Variants in PPP4R1 observed in about 807,000 individuals in gnomAD.
PPP4R1 encodes serine/threonine-protein phosphatase 4 regulatory subunit 1.
Under a neutral mutation model 111.2 loss-of-function variants are expected in PPP4R1, and 42 were observed. The observed-to-expected ratio is 0.38, with a 90% CI of 0.29 to 0.49. PPP4R1 has a LOEUF of 0.49. Among genes scored for constraint, PPP4R1 ranks in the 20% least tolerant of loss-of-function variants. The pLI is 0.97. For missense variants in PPP4R1, 1,012 were observed against 1,161.6 expected (o/e 0.87, Z 1.87); for synonymous variants, 409 against 405.5 (o/e 1.01, Z -0.10).
At chr18:9,580,979 G>T (rs886160421) in intron 9 of PPP4R1, among the ~76,000 whole-genome samples, 1 of 152,184 alleles carries the variant, frequency 6.6e-6, no homozygotes, top group African/African-American at 2.4e-5. Flanking sequence ...TGTCATACCA[G>T]GGTGGCTGTG....
chr18:9,553,571 ATTAAGT>A (rs1031512254), intron 15 of PPP4R1, 149 bp from the exon 16 acceptor site: 10 of 603,876 alleles, frequency 1.7e-5, no homozygotes, highest in East Asian at 1.1e-4. Flanking sequence ...AAAATTTGGT[ATTAAGT>A]TTATTTTTCC....
At chr18:9,573,378 GA>G (rs2066890574) in intron 10 of PPP4R1, among the ~76,000 whole-genome samples, 1 of 152,014 alleles carries the variant, frequency 6.6e-6, no homozygotes, top group East Asian at 1.9e-4. Flanking sequence ...AAAGAGTTCA[GA>G]AAAAAAGAAT....
intron 14 of PPP4R1, among the ~76,000 whole-genome samples, chr18:9,559,035 T>C (rs183078959): frequency 6.6e-6 from 1 of 152,336 alleles, no homozygotes; most frequent in Admixed American, 6.5e-5. Flanking sequence ...TCTACTACGG[T>C]TTCAACAAAT....
At chr18:9,609,485 A>C (rs1598968939) in intron 2 of PPP4R1, among the ~76,000 whole-genome samples, 2 of 152,358 alleles carry the variant, frequency 1.3e-5, no homozygotes, top group East Asian at 3.9e-4. Flanking sequence ...ACCCTCAGTT[A>C]GTTCTGGACC....
At chr18:9,554,011 G>A (rs1228744648) in intron 15 of PPP4R1, among the ~76,000 whole-genome samples, 1 of 152,218 alleles carries the variant, frequency 6.6e-6, no homozygotes, top group Non-Finnish European at 1.5e-5. Flanking sequence ...ACGTTCTAAG[G>A]ACAGAATGTG....
At chr18:9,577,276 C>T (rs1305071589) in intron 9 of PPP4R1, 85 bp from the exon 10 acceptor site, 10 of 1,347,106 alleles carry the variant, frequency 7.4e-6, no homozygotes, top group East Asian at 2.5e-5. Context: ...TAATAATCTA[C>T]TTTCAAATGC....
chr18:9,556,379 G>A (rs549095108), intron 15 of PPP4R1, among the ~76,000 whole-genome samples: 16 of 151,900 alleles, frequency 1.1e-4, no homozygotes, highest in African/African-American at 3.6e-4. Context: ...TTTTAGTAAA[G>A]ACAAGGTTTC....
intron 11 of PPP4R1, 28 bp from the exon 12 acceptor site, chr18:9,563,578 A>G: frequency 6.6e-7 from 1 of 1,518,170 alleles, no homozygotes; most frequent in Non-Finnish European, 9.0e-7. Context: ...AAATGGACAA[A>G]GTGAGAAACA....
intron 11 of PPP4R1, among the ~76,000 whole-genome samples, chr18:9,566,481 TAAAC>T (rs1289740706): frequency 2.6e-5 from 4 of 151,552 alleles, no homozygotes; most frequent in East Asian, 2.0e-4. Flanking sequence ...GAAATCCCAT[TAAAC>T]AAACAAACAA....
intron 5 of PPP4R1, 44 bp downstream of exon 5, chr18:9,588,667 C>A: frequency 6.6e-7 from 1 of 1,518,560 alleles, no homozygotes; most frequent in Non-Finnish European, 9.0e-7. Context: ...CCATATATTA[C>A]ACTACGTAAA....
intron 2 of PPP4R1, among the ~76,000 whole-genome samples, chr18:9,606,545 T>C (rs1361817858): frequency 6.6e-6 from 1 of 152,178 alleles, no homozygotes; most frequent in Non-Finnish European, 1.5e-5. Context: ...ATAATGTTTA[T>C]CAGAAACCCT....
chr18:9,588,867 G>A lies in PPP4R1; in HGVS notation c.296-14C>T, dbSNP rs1214013008. 5 of 1,610,220 alleles carry A rather than the reference G, an allele frequency of 3.1e-6. No individual in the cohort carries two copies. Among genetic ancestry groups the A allele is most frequent in the African/African-American group, 1.3e-5 (1 of 74,754 alleles). ...TCACAGTTGGTTCTATTGAAATAAC[G>A]GCAATGTGAGCAAACATGTTCTCCT... On this transcript the variant is annotated splice_polypyrimidine_tract_variant and intron_variant, in intron 4 of 19. Transcript: ENST00000400556.
chr18:9,555,882 A>C (rs752537966), intron 15 of PPP4R1, among the ~76,000 whole-genome samples: 2 of 152,096 alleles, frequency 1.3e-5, no homozygotes, highest in East Asian at 3.9e-4. Context: ...CACGCCTGTA[A>C]TCCCAGCACT....
chr18:9,600,942 A>ATCAAAATAGAT (rs1462879666), intron 2 of PPP4R1, among the ~76,000 whole-genome samples: 1 of 152,166 alleles, frequency 6.6e-6, no homozygotes, highest in Non-Finnish European at 1.5e-5. Context: ...TAGATCAAAG[A>ATCAAAATAGAT]CAAGGAGTAT....
intron 10 of PPP4R1, among the ~76,000 whole-genome samples, chr18:9,574,900 GAAC>G (rs1405107899): frequency 1.3e-5 from 2 of 152,306 alleles, no homozygotes; most frequent in Admixed American, 1.3e-4. Flanking sequence ...TGCATTCAGA[GAAC>G]AATGTGATAA....
At chr18:9,587,918 T>C (rs775784326) in intron 6 of PPP4R1, among the ~76,000 whole-genome samples, 171 bp downstream of exon 6, 3 of 151,608 alleles carry the variant, frequency 2.0e-5, no homozygotes, top group Admixed American at 6.6e-5. Context: ...GGTGTCACCA[T>C]ATTGCCCAGG....
chr18:9,583,076 A>C (rs748626702), intron 9 of PPP4R1, 41 bp downstream of exon 9: 90 of 1,507,680 alleles, frequency 6.0e-5, no homozygotes, highest in Non-Finnish European at 8.0e-5. Context: ...TAAAACGGAC[A>C]CAAATGTATT....
At chr18:9,588,352 C>CA in intron 5 of PPP4R1, 117 bp from the exon 6 acceptor site, 1 of 1,079,260 alleles carries the variant, frequency 9.3e-7, no homozygotes, top group Non-Finnish European at 1.3e-6. Context: ...GGCAAAACTC[C>CA]GCAAATAAAT....
intron 11 of PPP4R1, among the ~76,000 whole-genome samples, chr18:9,569,831 G>A (rs1453272631): frequency 3.9e-5 from 6 of 152,028 alleles, no homozygotes; most frequent in Non-Finnish European, 7.4e-5. Flanking sequence ...GCTCAGTGCA[G>A]CCTCAACCTC....
Sources: allele counts gnomAD v4.1 joint callset (sites outside exome capture counted in the v4.1 genomes callset), GRCh38; gene constraint gnomAD v4.1.1; transcripts MANE v1.5; gene names NCBI Gene and HGNC (gene_info 2026-07-23, HGNC 2026-07-21).